Variants in ATG7 observed in about 807,000 individuals in gnomAD.
The protein encoded by ATG7 is autophagy related 7, also known as ubiquitin-like modifier-activating enzyme ATG7.
Under a neutral mutation model 82.4 loss-of-function variants are expected in ATG7, and 70 were observed. The observed-to-expected ratio is 0.85, with a 90% CI of 0.70 to 1.04. ATG7 has a LOEUF of 1.04. ATG7 is among the 50% of genes least tolerant of loss of function. The pLI is 0.00. For missense variants in ATG7, 792 were observed against 864.3 expected (o/e 0.92, Z 1.05); for synonymous variants, 287 against 313.0 (o/e 0.92, Z 0.88).
At chr3:11,351,397 T>C (rs1451491409) in intron 14 of ATG7, among the ~76,000 whole-genome samples, 4 of 152,044 alleles carry the variant, frequency 2.6e-5, no homozygotes, top group African/African-American at 9.7e-5. Context: ...GTTAGCTAGA[T>C]TGAGGGTAGC....
intron 16 of ATG7, among the ~76,000 whole-genome samples, chr3:11,361,349 A>G (rs998465003): frequency 2.0e-5 from 3 of 151,798 alleles, no homozygotes; most frequent in East Asian, 3.9e-4. Context: ...CAGTGGCACA[A>G]TCTCGGCTCC....
intron 20 of ATG7, among the ~76,000 whole-genome samples, chr3:11,542,666 C>G (rs1023215873): frequency 1.3e-5 from 2 of 152,190 alleles, no homozygotes; most frequent in Non-Finnish European, 2.9e-5. Context: ...AGTAGCTGCT[C>G]TCAACCACCC....
At chr3:11,460,084 A>G (rs751382830) in intron 20 of ATG7, among the ~76,000 whole-genome samples, 1 of 152,186 alleles carries the variant, frequency 6.6e-6, no homozygotes, top group Non-Finnish European at 1.5e-5. Context: ...ATTTAAAGCA[A>G]TAATAACCAG....
chr3:11,359,355 A>C (rs1332947459), intron 15 of ATG7, among the ~76,000 whole-genome samples: 1 of 152,138 alleles, frequency 6.6e-6, no homozygotes, highest in Non-Finnish European at 1.5e-5. Context: ...ATTTGGGATA[A>C]TAAGTTAAAT....
At chr3:11,398,639 AG>A (rs1333205966) in intron 19 of ATG7, among the ~76,000 whole-genome samples, 36 of 152,102 alleles carry the variant, frequency 2.4e-4, no homozygotes, top group African/African-American at 8.7e-4. Flanking sequence ...GATGGCTTGA[AG>A]CCAAGAGTTT....
At chr3:11,379,887 A>C in intron 18 of ATG7, 85 bp from the exon 19 acceptor site, 2 of 1,329,924 alleles carry the variant, frequency 1.5e-6, no homozygotes, top group Admixed American at 1.7e-5. Context: ...ATCATTTCCT[A>C]CTTGTTGTCA....
chr3:11,378,026 A>ATTTT (rs2077555027), intron 18 of ATG7, among the ~76,000 whole-genome samples: 6 of 31,486 alleles, frequency 1.9e-4, no homozygotes, highest in African/African-American at 4.5e-4. Flanking sequence ...ACCAGTTACC[A>ATTTT]ATTTTTTTTT....
chr3:11,538,300 A>G (rs1253121408), intron 20 of ATG7, among the ~76,000 whole-genome samples: 1 of 152,144 alleles, frequency 6.6e-6, no homozygotes, highest in African/African-American at 2.4e-5. Context: ...ACTCTATCAC[A>G]CCATGGACCT....
chr3:11,504,251 C>G (rs754886792), intron 20 of ATG7, among the ~76,000 whole-genome samples: 8 of 152,178 alleles, frequency 5.3e-5, no homozygotes, highest in Non-Finnish European at 1.0e-4. Flanking sequence ...ACAATGCTTT[C>G]AAACAATAAA....
chr3:11,404,229 G>A (rs1374638777), intron 19 of ATG7, among the ~76,000 whole-genome samples: 9 of 142,372 alleles, frequency 6.3e-5, no homozygotes, highest in Admixed American at 2.3e-4. Flanking sequence ...TCCATCTCCC[G>A]GGTTCAAGTG....
At chr3:11,405,885 CTAG>C (rs2080281435) in intron 19 of ATG7, among the ~76,000 whole-genome samples, 1 of 152,164 alleles carries the variant, frequency 6.6e-6, no homozygotes, top group Non-Finnish European at 1.5e-5. Context: ...TCCCAAAGTG[CTAG>C]GATTATAGGC....
chr3:11,287,530 C>G (rs346082), intron 3 of ATG7, among the ~76,000 whole-genome samples: 132,311 of 152,244 alleles, frequency 0.87, 57,779 homozygotes, highest in East Asian at 1. Flanking sequence ...GCAGCAGCGG[C>G]GGTCTGGGAG....
intron 11 of ATG7, among the ~76,000 whole-genome samples, chr3:11,334,245 T>TTTA (rs545035756): frequency 5.7e-4 from 87 of 151,724 alleles, no homozygotes; most frequent in Middle Eastern, 3.2e-3. Flanking sequence ...TTTCACAACA[T>TTTA]TTATTATTAT....
chr3:11,469,056 C>T (rs1490614822), intron 20 of ATG7, among the ~76,000 whole-genome samples: 1 of 152,132 alleles, frequency 6.6e-6, no homozygotes, highest in Admixed American at 6.5e-5. Flanking sequence ...TAAGCTAGGC[C>T]CATTGTGAAT....
intron 9 of ATG7, among the ~76,000 whole-genome samples, chr3:11,326,083 T>C (rs1048233130): frequency 6.6e-6 from 1 of 152,232 alleles, no homozygotes; most frequent in African/African-American, 2.4e-5. Flanking sequence ...CCCCTTCATC[T>C]TGCAGGAGAG....
chr3:11,291,015 C>A (rs750944832), intron 3 of ATG7, among the ~76,000 whole-genome samples: 3 of 152,138 alleles, frequency 2.0e-5, no homozygotes, highest in East Asian at 3.9e-4. Flanking sequence ...CATCCTTAGT[C>A]GCTTTTACCC....
chr3:11,367,947 A>G (rs2076735803), intron 18 of ATG7, among the ~76,000 whole-genome samples: 1 of 152,056 alleles, frequency 6.6e-6, no homozygotes. Context: ...CACAAAACGA[A>G]CAGTCTTATA....
chr3:11,491,990 C>T (rs542753428), intron 20 of ATG7, among the ~76,000 whole-genome samples: 2 of 152,206 alleles, frequency 1.3e-5, no homozygotes, highest in African/African-American at 4.8e-5. Context: ...TGGGCTACAC[C>T]AAGTTTGAGC....
the ATG7 span, among the ~76,000 whole-genome samples, chr3:11,564,124 T>C: frequency 6.6e-6 from 1 of 152,356 alleles, no homozygotes; most frequent in East Asian, 1.9e-4. Context: ...GCTCAAGCAG[T>C]AATTTTGAGC....
Sources: gnomAD v4.1 joint callset for allele counts (sites outside exome capture counted in the v4.1 genomes callset) on GRCh38, gnomAD v4.1.1 for gene constraint, MANE v1.5 for transcripts, NCBI Gene and HGNC (gene_info 2026-07-23, HGNC 2026-07-21) for gene names.